The following COL5A1 variants were observed in gnomAD, a reference collection of about 807,000 sequenced individuals.
COL5A1 encodes collagen alpha-1(V) chain.
COL5A1 carries 16 observed loss-of-function variants against 263.7 expected under a neutral mutation model. The observed-to-expected ratio is 0.06, with a 90% CI of 0.04 to 0.09. The LOEUF is 0.09. COL5A1 is among the 10% of genes least tolerant of loss of function. COL5A1 has a pLI of 1.00. For synonymous variants in COL5A1, 1,012 were observed against 1,004.5 expected (o/e 1.01, Z -0.14); for missense variants, 2,036 against 2,540.5 (o/e 0.80, Z 4.27).
intron 37 of COL5A1, among the ~76,000 whole-genome samples, chr9:134,799,636 G>GA (rs1838037782): frequency 6.6e-6 from 1 of 152,110 alleles, no homozygotes; most frequent in Non-Finnish European, 1.5e-5. Context: ...TGCCTGCTTT[G>GA]AAAAAATCCC....
chr9:134,718,309 A>G (rs1202911519), intron 4 of COL5A1, among the ~76,000 whole-genome samples: 1 of 152,206 alleles, frequency 6.6e-6, no homozygotes, highest in Non-Finnish European at 1.5e-5. Flanking sequence ...GAATGGCCGT[A>G]ATGACCCTGG....
chr9:134,802,595 C>G (rs1175818848), intron 38 of COL5A1, among the ~76,000 whole-genome samples: 1 of 152,234 alleles, frequency 6.6e-6, no homozygotes, highest in Non-Finnish European at 1.5e-5. Context: ...CTGAATCAGC[C>G]TCCCTCAGGG....
intron 1 of COL5A1, among the ~76,000 whole-genome samples, chr9:134,655,256 T>G (rs528005720): frequency 2.5e-4 from 38 of 151,982 alleles, no homozygotes; most frequent in African/African-American, 8.9e-4. Context: ...CCTTGGGCTT[T>G]AGGGCCTGCA....
intron 19 of COL5A1, among the ~76,000 whole-genome samples, chr9:134,762,879 G>T (rs1484664798): frequency 6.6e-6 from 1 of 152,184 alleles, no homozygotes; most frequent in Non-Finnish European, 1.5e-5. Context: ...GTGTGTGTGT[G>T]TGTGTGTGTA....
At position 134,817,020 on chromosome 9, in the gene COL5A1, T is replaced by A. The variant is rs1267625681; in HGVS notation, c.4123-6T>A. ...CCTCACACTCTGTTCTTTCTCCCAA[T>A]ACCAGGGATCCCCCGGCCCTACTGG... On this transcript the variant is annotated splice_region_variant and splice_polypyrimidine_tract_variant and intron_variant, in intron 52 of 65. Transcript: ENST00000371817. 3.1e-6 allele frequency: 5 copies of A among 1,613,608 alleles called. No homozygotes were observed. Among genetic ancestry groups the A allele is most frequent in the Non-Finnish European group, 4.2e-6 (5 of 1,179,636 alleles).
rs10125222 is a variant in COL5A1 at position 134,766,734 on chromosome 9, G to T, written c.2133+236G>T. Among the ~76,000 whole-genome samples the T allele has an allele frequency of 1.0e-3, 158 of 152,286 alleles. 1 individual carries two copies. Among genetic ancestry groups the T allele is most frequent in the African/African-American group, 3.7e-3 (152 of 41,546 alleles). ...ATCATTTCTGGTCAGTTCCTCTCAC[G>T]TGTTCCTTCCTGGTCGGATGTCTGG... On this transcript the variant is annotated intron_variant, in intron 22 of 65. Transcript: ENST00000371817.
rs908456118 is a variant in COL5A1 at position 134,821,962 on chromosome 9, G to A, written c.4555-135G>A. 1 of 791,428 alleles carries A rather than the reference G, an allele frequency of 1.3e-6. No homozygotes were observed. Among genetic ancestry groups the A allele is most frequent in the African/African-American group, 1.7e-5 (1 of 59,668 alleles). 49.0% of individuals were successfully genotyped at this position (791,428 alleles called of 1,614,324 possible). On this transcript the variant is annotated intron_variant, in intron 58 of 65. Transcript: ENST00000371817. The surrounding 1 kb of genome is among the most constrained non-coding windows in gnomAD (Gnocchi z 4.2). ...CCAGGATCAGAAAGCAGCCACAGGA[G>A]GCTGCTGAGGGGCCAAAGGGCATAC...
In COL5A1 at chr9:134,842,115, A is replaced by C. The variant is rs114101109; in HGVS notation, c.5371-42A>C. The C allele has an allele frequency of 0.027, 43,068 of 1,612,808 alleles. 2,035 individuals are homozygous for C. Among genetic ancestry groups the C allele is most frequent in the African/African-American group, 0.21 (15,905 of 74,908 alleles). ...GTGATTGGTAAACCCCAAGACCCCC[A>C]ACTGTTCTTAACCACCGGCCATCTG... On this transcript the variant is annotated intron_variant, in intron 65 of 65. Transcript: ENST00000371817. The surrounding 1 kb of genome is among the most constrained non-coding windows in gnomAD (Gnocchi z 5.8).
rs183608426 is a variant in COL5A1, at chr9:134,742,760, G to A, written c.1494+3952G>A. Among the ~76,000 whole-genome samples the A allele has an allele frequency of 1.9e-3, 286 of 152,328 alleles. 1 individual carries two copies. Among genetic ancestry groups the A allele is most frequent in the African/African-American group, 6.7e-3 (280 of 41,564 alleles). On this transcript the variant is annotated intron_variant, in intron 11 of 65. Transcript: ENST00000371817. The surrounding 1 kb of genome is among the most constrained non-coding windows in gnomAD (Gnocchi z 4.6). ...TCCGGGAATATAGTGAGATATCAGTGGGTCTGAAATCATGAGGCTGTGCAT... is the reference window on the plus strand; with the variant it reads ...TCCGGGAATATAGTGAGATATCAGTAGGTCTGAAATCATGAGGCTGTGCAT...
At position 134,765,498 on chromosome 9, in the gene COL5A1, G is replaced by T. The variant is rs879685447; in HGVS notation, c.2035-183G>T. Among the ~76,000 whole-genome samples the T allele has an allele frequency of 2.6e-5, 4 of 152,126 alleles. No homozygotes were observed. The highest frequency in any genetic ancestry group is 6.5e-5 in the Admixed American group (1 of 15,282). ...TGCCCCTGGTTCCCAACACCAGGGT[G>T]GGGTGGAGGGAGGCAGCGCAGCAGG... On this transcript the variant is annotated intron_variant, in intron 20 of 65. Transcript: ENST00000371817. The surrounding 1 kb of genome is among the most constrained non-coding windows in gnomAD (Gnocchi z 5.1).
At chr9:134,816,984 G>A (rs771536042) in intron 52 of COL5A1, 42 bp from the exon 53 acceptor site, 20 of 1,577,776 alleles carry the variant, frequency 1.3e-5, no homozygotes, top group Admixed American at 8.3e-5. Flanking sequence ...TGAGTCTAAC[G>A]GGCCCCAATT....
intron 4 of COL5A1, among the ~76,000 whole-genome samples, chr9:134,703,963 A>G: frequency 6.6e-6 from 1 of 152,176 alleles, no homozygotes; most frequent in Admixed American, 6.5e-5. Flanking sequence ...TTTGTCATGC[A>G]GTCTCTTTTT....
chr9:134,724,764 C>T (rs142032194), intron 4 of COL5A1, among the ~76,000 whole-genome samples: 5 of 152,290 alleles, frequency 3.3e-5, no homozygotes, highest in East Asian at 3.9e-4. Flanking sequence ...GTCTTCAAGG[C>T]GGAGACAAAG....
intron 52 of COL5A1, among the ~76,000 whole-genome samples, 195 bp from the exon 53 acceptor site, chr9:134,816,831 G>C (rs1178466751): frequency 6.6e-6 from 1 of 152,228 alleles, no homozygotes; most frequent in South Asian, 2.1e-4. Flanking sequence ...CCGCAGGATG[G>C]GAGTTGGGGT....
rs201756651 is a variant in COL5A1 at position 134,784,947 on chromosome 9, T to TGTG, written c.2485-41_2485-40insTGG. On this transcript the variant is annotated intron_variant, in intron 29 of 65. Coordinates refer to ENST00000371817, the MANE Select transcript of COL5A1 (RefSeq NM_000093.5). ...GAATGGTGGTGGAGAATAGTGTGTG[T>TGTG]GCGGGGGGTGGTCTTCTCACCTCCT... is the stretch of plus-strand genomic sequence containing the variant. 11 of 1,249,346 alleles carry TGTG rather than the reference T, an allele frequency of 8.8e-6. No individual in the cohort carries two copies. In the African/African-American group the frequency reaches 1.9e-4, roughly 22 times the overall value. The allele number at this position is 1,249,346 out of a possible 1,614,324, so 77.4% of individuals were successfully genotyped here. A position where few individuals can be genotyped will look rare whatever the true frequency, so the allele number is the denominator to read the frequency against.
At chr9:134,731,998 T>G in intron 8 of COL5A1, 73 bp from the exon 9 acceptor site, 2 of 1,561,940 alleles carry the variant, frequency 1.3e-6, no homozygotes, top group Non-Finnish European at 1.8e-6. Flanking sequence ...ATCGGGCAGA[T>G]TTTGTGTAAT....
At chr9:134,732,626 G>A (rs1165117629) in intron 9 of COL5A1, 1 of 221,700 alleles carries the variant, frequency 4.5e-6, no homozygotes, top group Non-Finnish European at 9.0e-6. Flanking sequence ...TACTGTTTAT[G>A]AAACTTTATC....
chr9:134,678,075 C>T lies in COL5A1; in HGVS notation c.110-12837C>T, dbSNP rs552066290. 7.2e-5 allele frequency among the ~76,000 whole-genome samples: 11 copies of T among 152,348 alleles called. No homozygotes were observed. Among genetic ancestry groups the T allele is most frequent in the South Asian group, 2.1e-4 (1 of 4,828 alleles). On this transcript the variant is annotated intron_variant, in intron 1 of 65. Coordinates refer to ENST00000371817, the MANE Select transcript of COL5A1 (RefSeq NM_000093.5). This position sits in a 1 kb window ranked among gnomAD's most constrained non-coding sequence, Gnocchi z 5.5. ...ATCATGGCCCCAGTGCTCTCCCCAG[C>T]GTCACTCCCTCCGCAGCAGGGTATC...
At chr9:134,796,758 G>T (rs140168393) in intron 35 of COL5A1, 90 bp from the exon 36 acceptor site, 8 of 1,213,138 alleles carry the variant, frequency 6.6e-6, no homozygotes, top group Non-Finnish European at 9.8e-6. Flanking sequence ...TGACACCTGC[G>T]TTCAGAGAGC....
Sources: gnomAD v4.1 joint callset for allele counts (sites outside exome capture counted in the v4.1 genomes callset) on GRCh38, gnomAD v4.1.1 for gene constraint, Gnocchi (gnomAD v3.1) non-coding constraint, MANE v1.5 for transcripts, NCBI Gene and HGNC (gene_info 2026-07-23, HGNC 2026-07-21) for gene names.